Variants in NOS1AP observed in about 807,000 individuals in gnomAD.
NOS1AP encodes the protein carboxyl-terminal PDZ ligand of neuronal nitric oxide synthase protein.
In NOS1AP, 21 loss-of-function variants were observed where a neutral mutation model predicts 56.2. The ratio of observed to expected loss-of-function variants is 0.37; its 90% CI spans 0.26 to 0.54. NOS1AP has a LOEUF of 0.54. Ranked by LOEUF, NOS1AP falls within the 20% of genes least tolerant of loss-of-function variation. The probability of loss-of-function intolerance (pLI) is 0.84; values close to 1 mark genes in which losing one functional copy is unlikely to be tolerated. For synonymous variants in NOS1AP, 270 were observed against 274.6 expected, an observed-to-expected ratio of 0.98 and a Z score of 0.17; for missense variants, 522 against 657.8, an observed-to-expected ratio of 0.79 and a Z score of 2.26.
chr1:162,354,696 A>T (rs1316236680), intron 6 of NOS1AP, among the ~76,000 whole-genome samples: 1 of 152,186 alleles, frequency 6.6e-6, no homozygotes, highest in Admixed American at 6.5e-5. Flanking sequence ...TTCCTCAGTC[A>T]TGGAACCCTA....
intron 2 of NOS1AP, among the ~76,000 whole-genome samples, chr1:162,187,768 A>G (rs542673264): frequency 1.8e-4 from 28 of 152,344 alleles, no homozygotes; most frequent in Admixed American, 1.7e-3. Flanking sequence ...GCTGGATCAG[A>G]AGCAGAGTGA....
chr1:162,070,368 C>T, intron 1 of NOS1AP, 86 bp downstream of exon 1: 1 of 1,167,126 alleles, frequency 8.6e-7, no homozygotes, highest in Non-Finnish European at 1.3e-6. Context: ...CGTCCTGGAC[C>T]CAGAGCTGGC....
chr1:162,322,010 G>T (rs866047110), intron 4 of NOS1AP, among the ~76,000 whole-genome samples: 8 of 152,004 alleles, frequency 5.3e-5, no homozygotes, highest in African/African-American at 1.9e-4. Flanking sequence ...CCAGCCTTGC[G>T]CAATATATCC....
At chr1:162,113,851 G>A (rs1647810611) in intron 1 of NOS1AP, among the ~76,000 whole-genome samples, 1 of 152,092 alleles carries the variant, frequency 6.6e-6, no homozygotes, top group Non-Finnish European at 1.5e-5. Flanking sequence ...CTCTTAGGAA[G>A]GAGGGCAGCC....
At chr1:162,356,927 CAT>C (rs765157357) in intron 7 of NOS1AP, 31 bp from the exon 8 acceptor site, 1 of 1,613,812 alleles carries the variant, frequency 6.2e-7, no homozygotes, top group South Asian at 1.1e-5. Flanking sequence ...GCTCCTGCCA[CAT>C]GTCATGTCCT....
chr1:162,165,858 C>T (rs1650469406), intron 2 of NOS1AP, among the ~76,000 whole-genome samples: 1 of 152,178 alleles, frequency 6.6e-6, no homozygotes, highest in South Asian at 2.1e-4. Context: ...CTGTGTGACA[C>T]TCCCATTTGG....
At chr1:162,228,925 A>G (rs1044664095) in intron 2 of NOS1AP, among the ~76,000 whole-genome samples, 6 of 152,260 alleles carry the variant, frequency 3.9e-5, no homozygotes, top group African/African-American at 1.4e-4. Context: ...CATATTGGAC[A>G]TAGACTTTTA....
At position 162,367,197 on chromosome 1, in the gene NOS1AP, C is replaced by T. The variant is rs1433308477; in HGVS notation, c.1251C>T (p.Ser417=). The change falls in exon 10 of 10, where the codon AGC becomes AGT. Residue 417 remains serine (S), a synonymous_variant. Transcript: ENST00000361897. The surrounding 1 kb of genome is among the most constrained non-coding windows in gnomAD (Gnocchi z 6.5). ...GLADFAHPAG[S]PLGRRDCLVK... ...CTGACTTTGCCCACCCTGCGGGCAG[C>T]CCCTTAGGTAGGCGCGACTGCTTGG... 2 of 1,613,806 alleles carry T rather than the reference C, an allele frequency of 1.2e-6. No homozygotes were observed. Among genetic ancestry groups the T allele is most frequent in the Non-Finnish European group, 8.5e-7 (1 of 1,179,976 alleles).
chr1:162,189,556 A>G (rs1651551233), intron 2 of NOS1AP, among the ~76,000 whole-genome samples: 1 of 152,198 alleles, frequency 6.6e-6, no homozygotes, highest in Admixed American at 6.5e-5. Flanking sequence ...ATCTGACAGA[A>G]TGTTCTAGGC....
chr1:162,249,879 C>T (rs941608469), intron 2 of NOS1AP, among the ~76,000 whole-genome samples: 3 of 152,204 alleles, frequency 2.0e-5, no homozygotes, highest in African/African-American at 4.8e-5. Context: ...ATGGGGACAA[C>T]TTCCCTGAAG....
At chr1:162,361,107 G>T (rs776705912) in intron 8 of NOS1AP, among the ~76,000 whole-genome samples, 4 of 152,204 alleles carry the variant, frequency 2.6e-5, no homozygotes, top group Non-Finnish European at 5.9e-5. Flanking sequence ...CGTGGCCGTA[G>T]TGTCACATCA....
intron 2 of NOS1AP, among the ~76,000 whole-genome samples, chr1:162,208,666 G>A (rs1652245622): frequency 6.6e-6 from 1 of 152,178 alleles, no homozygotes; most frequent in South Asian, 2.1e-4. Flanking sequence ...ATTGCCAAAT[G>A]TTCCCTGAAA....
intron 6 of NOS1AP, among the ~76,000 whole-genome samples, chr1:162,351,579 C>G (rs1220937208): frequency 6.6e-6 from 1 of 152,196 alleles, no homozygotes; most frequent in East Asian, 1.9e-4. Flanking sequence ...TCCTCTGGAA[C>G]TTTGAGCAAC....
At chr1:162,133,892 C>T (rs1431605927) in intron 1 of NOS1AP, among the ~76,000 whole-genome samples, 7 of 152,096 alleles carry the variant, frequency 4.6e-5, no homozygotes, top group Non-Finnish European at 8.8e-5. Context: ...CGGCATTCAA[C>T]GAATGCCAAG....
chr1:162,221,373 C>T (rs1289994799), intron 2 of NOS1AP, among the ~76,000 whole-genome samples: 1 of 152,128 alleles, frequency 6.6e-6, no homozygotes. Context: ...CTGTGTTTCT[C>T]CTTTTTAAAT....
At chr1:162,090,192 T>C (rs1407715264) in intron 1 of NOS1AP, among the ~76,000 whole-genome samples, 2 of 152,126 alleles carry the variant, frequency 1.3e-5, no homozygotes, top group African/African-American at 4.8e-5. Context: ...TCTATGCTCT[T>C]TGTATGCGAA....
chr1:162,106,952 T>C (rs1647533465), intron 1 of NOS1AP, among the ~76,000 whole-genome samples: 2 of 152,046 alleles, frequency 1.3e-5, no homozygotes, highest in African/African-American at 4.8e-5. Context: ...TTATGAAATA[T>C]GCGTTTTACT....
chr1:162,110,730 C>CTT (rs1247787925), intron 1 of NOS1AP, among the ~76,000 whole-genome samples: 1 of 152,314 alleles, frequency 6.6e-6, no homozygotes, highest in East Asian at 1.9e-4. Flanking sequence ...TGTTTGGAAA[C>CTT]TTGAGTTCTG....
At chr1:162,294,294 G>C (rs1655380284) in intron 3 of NOS1AP, among the ~76,000 whole-genome samples, 1 of 152,152 alleles carries the variant, frequency 6.6e-6, no homozygotes, top group Non-Finnish European at 1.5e-5. Flanking sequence ...GGCTTGGCAA[G>C]GTTTCAGGGT....
Sources: gnomAD v4.1 joint callset for allele counts (sites outside exome capture counted in the v4.1 genomes callset) on GRCh38, gnomAD v4.1.1 for gene constraint, Gnocchi (gnomAD v3.1) non-coding constraint, MANE v1.5 for transcripts, NCBI Gene and HGNC (gene_info 2026-07-23, HGNC 2026-07-21) for gene names.